The following AKAP6 variants were observed in gnomAD, a reference collection of about 807,000 sequenced individuals.
AKAP6 encodes the protein A-kinase anchor protein 6.
In AKAP6, 58 loss-of-function variants were observed where a neutral mutation model predicts 188.5. The observed-to-expected ratio is 0.31, with a 90% CI of 0.25 to 0.38. The LOEUF (loss-of-function observed/expected upper bound fraction) is 0.38, where lower values mean the gene tolerates loss of function less well. AKAP6 is among the 10% of genes least tolerant of loss of function. The pLI is 1.00. For synonymous variants in AKAP6, 989 were observed against 998.6 expected (o/e 0.99, Z 0.18); for missense variants, 2,710 against 2,740.0 (o/e 0.99, Z 0.24).
At chr14:32,639,707 A>T (rs970516000) in intron 7 of AKAP6, among the ~76,000 whole-genome samples, 3 of 152,166 alleles carry the variant, frequency 2.0e-5, no homozygotes, top group Admixed American at 6.6e-5. Flanking sequence ...AGTTAATTTG[A>T]TCCACTCAGG....
intron 1 of AKAP6, among the ~76,000 whole-genome samples, chr14:32,385,454 G>A (rs917159150): frequency 2.7e-5 from 4 of 149,522 alleles, no homozygotes; most frequent in African/African-American, 9.9e-5. Context: ...GGTAGTGTTT[G>A]GATACATGAG....
chr14:32,650,177 G>T (rs1401192218), intron 7 of AKAP6, among the ~76,000 whole-genome samples: 2 of 152,156 alleles, frequency 1.3e-5, no homozygotes, highest in Non-Finnish European at 2.9e-5. Flanking sequence ...CACTAAAGTA[G>T]TGGTTCATGC....
intron 12 of AKAP6, among the ~76,000 whole-genome samples, chr14:32,815,448 G>T (rs927034034): frequency 6.6e-6 from 1 of 152,148 alleles, no homozygotes; most frequent in African/African-American, 2.4e-5. Flanking sequence ...TTAAAAAAAG[G>T]TTATTTTCAG....
intron 11 of AKAP6, among the ~76,000 whole-genome samples, chr14:32,752,044 T>C (rs1388308016): frequency 6.6e-6 from 1 of 152,030 alleles, no homozygotes; most frequent in Non-Finnish European, 1.5e-5. Context: ...TTTTAAGGAG[T>C]TTTTGTTTTC....
At chr14:32,394,802 C>T (rs1449447943) in intron 1 of AKAP6, among the ~76,000 whole-genome samples, 1 of 152,068 alleles carries the variant, frequency 6.6e-6, no homozygotes, top group Non-Finnish European at 1.5e-5. Context: ...TAGTTCCTGA[C>T]CTGTAGCTAT....
intron 1 of AKAP6, chr14:32,403,216 G>C (rs1889159453): frequency 6.6e-6 from 1 of 152,096 alleles, no homozygotes; most frequent in African/African-American, 2.4e-5. Context: ...AATCACAAAG[G>C]GGTTCTTGAT....
In AKAP6 at chr14:32,641,763, A is replaced by T. The variant is rs531653155; in HGVS notation, c.2731-36548A>T. 5.3e-4 allele frequency among the ~76,000 whole-genome samples: 80 copies of T among 152,284 alleles called. No individual in the cohort carries two copies. In the Middle Eastern group the frequency reaches 0.01, roughly 19 times the overall value. On this transcript the variant is annotated intron_variant, in intron 7 of 13. Transcript: ENST00000280979. ...GGAAACTAAAAATGGTGTAATTTTT[A>T]GGTATTTCCTTGATAAAATTGTGAA... is the stretch of plus-strand genomic sequence containing the variant.
intron 12 of AKAP6, among the ~76,000 whole-genome samples, chr14:32,813,777 ATTCC>A (rs1365671280): frequency 1.3e-5 from 2 of 152,092 alleles, no homozygotes; most frequent in Non-Finnish European, 2.9e-5. Context: ...TCTTCTCGGA[ATTCC>A]TTCCTACAAC....
chr14:32,351,615 A>G (rs1251532438), intron 1 of AKAP6, among the ~76,000 whole-genome samples: 1 of 151,984 alleles, frequency 6.6e-6, no homozygotes, highest in Admixed American at 6.6e-5. Flanking sequence ...AACATTTGGA[A>G]TGGTAGATTT....
chr14:32,677,373 A>G (rs1889476920), intron 7 of AKAP6, among the ~76,000 whole-genome samples: 1 of 152,178 alleles, frequency 6.6e-6, no homozygotes, highest in African/African-American at 2.4e-5. Flanking sequence ...TGTTCTTCCT[A>G]GAATATATAA....
chr14:32,339,751 A>G (rs1359338340), intron 1 of AKAP6, among the ~76,000 whole-genome samples: 1 of 152,196 alleles, frequency 6.6e-6, no homozygotes, highest in Non-Finnish European at 1.5e-5. Context: ...TGCTCTAATG[A>G]GAAATAGAGC....
chr14:32,567,218 G>A (rs1884233929), intron 4 of AKAP6, among the ~76,000 whole-genome samples: 1 of 152,148 alleles, frequency 6.6e-6, no homozygotes, highest in Non-Finnish European at 1.5e-5. Flanking sequence ...ACCGTGCCCA[G>A]CCTACTTACC....
intron 8 of AKAP6, among the ~76,000 whole-genome samples, chr14:32,692,198 T>G (rs1179794923): frequency 6.6e-6 from 1 of 152,156 alleles, no homozygotes; most frequent in Non-Finnish European, 1.5e-5. Context: ...AGGTCTCCAG[T>G]GTAGACTGTT....
At position 32,466,827 on chromosome 14, in the gene AKAP6, T is replaced by TTATATA. The variant is rs776142584; in HGVS notation, c.324+33024_324+33029dup. Among the ~76,000 whole-genome samples, 21 of 115,090 alleles carry TTATATA rather than the reference T, an allele frequency of 1.8e-4. 1 individual carries two copies. Among genetic ancestry groups the TTATATA allele is most frequent in the African/African-American group, 6.9e-4 (14 of 20,188 alleles). The allele number at this position is 115,090 out of a possible 152,430, so 75.5% of individuals were successfully genotyped here. ...CAAAATATAAGCTGTAAAAACAAGA[T>TTATATA]TATATATATATATATATATTTTCTT... On this transcript the variant is annotated intron_variant, in intron 2 of 13. Coordinates refer to ENST00000280979, the MANE Select transcript of AKAP6 (RefSeq NM_004274.5).
At chr14:32,407,350 A>G (rs953672722) in intron 1 of AKAP6, among the ~76,000 whole-genome samples, 10 of 152,180 alleles carry the variant, frequency 6.6e-5, no homozygotes, top group East Asian at 1.9e-4. Flanking sequence ...TAGACAAACC[A>G]TCCAGTCCCC....
At chr14:32,560,388 C>T (rs890583269) in intron 4 of AKAP6, among the ~76,000 whole-genome samples, 1 of 152,024 alleles carries the variant, frequency 6.6e-6, no homozygotes, top group Non-Finnish European at 1.5e-5. Context: ...ATGTTTCAGT[C>T]CTGCCTCAGT....
chr14:32,361,159 A>C (rs1887650602), intron 1 of AKAP6, among the ~76,000 whole-genome samples: 1 of 151,766 alleles, frequency 6.6e-6, no homozygotes, highest in Non-Finnish European at 1.5e-5. Context: ...TATAAATGGC[A>C]TAGGATGAGG....
Position 32,577,228 on chromosome 14 carries a change from C to G in AKAP6, c.2455C>G (p.Leu819Val). Residue 819 changes from leucine (L) to valine (V), a missense_variant, in exon 5 of 14, where the codon CTG becomes GTG. Physicochemically the swap from Leu to Val is conservative, Grantham distance 32. Around this residue, in one of 2 missense-constraint regions of AKAP6, gnomAD observed 2,473 missense variants for 2,426.1 expected, o/e 1.02. Transcript: ENST00000280979. ...AGAGATGGATGACCTTAAACTGTAT[C>G]TGGAGACACACTTGGTAGGCAAGAT... ...KAEMDDLKLY[L>V]ETHLSFKLNV... 1 of 1,610,120 alleles carries G rather than the reference C, an allele frequency of 6.2e-7. No individual in the cohort carries two copies. The highest frequency in any genetic ancestry group is 8.5e-7 in the Non-Finnish European group (1 of 1,178,648).
intron 2 of AKAP6, among the ~76,000 whole-genome samples, chr14:32,517,157 C>T (rs1370276360): frequency 6.6e-6 from 1 of 152,182 alleles, no homozygotes; most frequent in Non-Finnish European, 1.5e-5. Context: ...TCCTCGAAAA[C>T]TAGCTAAAGA....
Sources: gnomAD v4.1 joint callset for allele counts (sites outside exome capture counted in the v4.1 genomes callset) on GRCh38, gnomAD v4.1.1 for gene constraint, gnomAD v4.1.1 regional missense constraint, MANE v1.5 for transcripts, NCBI Gene and HGNC (gene_info 2026-07-23, HGNC 2026-07-21) for gene names.